The following SETD5 variants were observed in gnomAD, a reference collection of about 807,000 sequenced individuals.
The protein encoded by SETD5 is SET domain containing 5.
SETD5 carries 44 observed loss-of-function variants against 153.3 expected under a neutral mutation model. The ratio of observed to expected loss-of-function variants is 0.29; its 90% CI spans 0.23 to 0.37. The LOEUF (loss-of-function observed/expected upper bound fraction) is 0.37, where lower values mean the gene tolerates loss of function less well. SETD5 is among the 10% of genes least tolerant of loss of function. SETD5 has a pLI of 1.00. For synonymous variants in SETD5, 716 were observed against 645.2 expected, an observed-to-expected ratio of 1.11 and a Z score of -1.66; for missense variants, 1,544 against 1,768.0, an observed-to-expected ratio of 0.87 and a Z score of 2.27.
rs147843893 is a variant in SETD5, at chr3:9,418,839, T to C, written c.-176-5628T>C. ...AAATGTGAATCACATACATAAACAT[T>C]GGGAATTTGCAGATAACTTTCATTT... is the stretch of plus-strand genomic sequence containing the variant. On this transcript the variant is annotated intron_variant, in intron 1 of 22. Transcript: ENST00000402198. Among the ~76,000 whole-genome samples the C allele has an allele frequency of 3.3e-3, 501 of 151,784 alleles. 7 individuals are homozygous for C. The highest frequency in any genetic ancestry group is 0.012 in the African/African-American group (484 of 41,432).
chr3:9,403,387 A>ATAC (rs1043802795), intron 1 of SETD5, among the ~76,000 whole-genome samples: 44 of 152,312 alleles, frequency 2.9e-4, no homozygotes, highest in African/African-American at 9.6e-4. Context: ...ATGGAAAAGA[A>ATAC]TACTCTATCT....
chr3:9,404,014 A>G (rs1379917714), intron 1 of SETD5, among the ~76,000 whole-genome samples: 1 of 152,238 alleles, frequency 6.6e-6, no homozygotes, highest in African/African-American at 2.4e-5. Flanking sequence ...AATATATGAC[A>G]AGGTTTTTCA....
intron 3 of SETD5, chr3:9,432,345 A>C: frequency 1.0e-6 from 1 of 968,518 alleles, no homozygotes; most frequent in Non-Finnish European, 1.2e-6. Context: ...TACATATCTC[A>C]GAATTTTCTT....
chr3:9,460,027 C>G (rs533962344), intron 17 of SETD5, among the ~76,000 whole-genome samples: 113 of 151,694 alleles, frequency 7.4e-4, no homozygotes, highest in African/African-American at 2.6e-3. Flanking sequence ...TAATTGTTAG[C>G]CAAAGTAATT....
chr3:9,475,783 C>T lies in SETD5; in HGVS notation c.4021C>T (p.Pro1341Ser). The T allele has an allele frequency of 1.2e-6, 2 of 1,614,002 alleles. No homozygotes were observed. Among genetic ancestry groups the T allele is most frequent in the Non-Finnish European group, 1.7e-6 (2 of 1,179,900 alleles). The change falls in exon 23 of 23, where the codon CCT (proline) becomes TCT (serine). Residue 1341 changes from proline to serine, a missense_variant. Transcript: ENST00000402198. ...CAGCAATCTTCCAAGGAGGAGCTGC[C>T]CTTCTAGTGCTGCTAGCCCTACCCT... ...TGSNLPRRSC[P>S]SSAASPTLQG... is the part of the protein sequence containing the mutation.
chr3:9,475,406 T>C, intron 22 of SETD5, 77 bp from the exon 23 acceptor site: 2 of 1,521,886 alleles, frequency 1.3e-6, no homozygotes, highest in Non-Finnish European at 1.8e-6. Flanking sequence ...AAAAAGAATG[T>C]AGGGTATTAT....
chr3:9,405,849 G>A (rs2035567681), intron 1 of SETD5, among the ~76,000 whole-genome samples: 1 of 152,138 alleles, frequency 6.6e-6, no homozygotes, highest in Non-Finnish European at 1.5e-5. Flanking sequence ...TCTGTGTCCT[G>A]TTATGTTCTT....
In SETD5 at chr3:9,474,429, G is replaced by T. The variant is rs758386734; in HGVS notation, c.3498-20G>T. Reference sequence around the variant, plus strand: ...TGGTTAAGTCCTGTGGCTTGAACTTGCACCCTGTTGCCTTTACAGGATGGT... The same window carrying T: ...TGGTTAAGTCCTGTGGCTTGAACTTTCACCCTGTTGCCTTTACAGGATGGT... On this transcript the variant is annotated intron_variant, in intron 20 of 22. Transcript: ENST00000402198. 10 of 1,611,736 alleles carry T rather than the reference G, an allele frequency of 6.2e-6. No homozygotes were observed. In the East Asian group the frequency reaches 2.0e-4, roughly 32 times the overall value.
chr3:9,430,415 A>G lies in SETD5; in HGVS notation c.71+1406A>G. The stretch of plus-strand genomic sequence containing the variant: ...GGGAAGGGTTGATTTTGTTTCTTCT[A>G]GAGCTTTTTTCTTCTTTTGTTTTTG... On this transcript the variant is annotated intron_variant, in intron 3 of 22. Transcript: ENST00000402198. 5 of 881,484 alleles carry G rather than the reference A, an allele frequency of 5.7e-6. No individual in the cohort carries two copies. The South Asian group carries it at 2.1e-4, about 37-fold the overall frequency. 54.6% of individuals were successfully genotyped at this position (881,484 alleles called of 1,614,324 possible). A position where few individuals can be genotyped will look rare whatever the true frequency, so the allele number is the denominator to read the frequency against.
At chr3:9,443,100 C>A (rs976796480) in intron 10 of SETD5, 54 of 443,910 alleles carry the variant, frequency 1.2e-4, no homozygotes. Flanking sequence ...GGTTTCTCCA[C>A]ATATTTAAGA....
At chr3:9,407,498 G>A (rs2035890608) in intron 1 of SETD5, among the ~76,000 whole-genome samples, 1 of 152,080 alleles carries the variant, frequency 6.6e-6, no homozygotes, top group African/African-American at 2.4e-5. Context: ...GGAATGGCTG[G>A]AAGTTTGCAG....
At chr3:9,403,337 C>A (rs1414155302) in intron 1 of SETD5, among the ~76,000 whole-genome samples, 5 of 152,120 alleles carry the variant, frequency 3.3e-5, no homozygotes, top group Non-Finnish European at 7.4e-5. Flanking sequence ...CAAGTCACCT[C>A]CCGAGGAGAC....
At chr3:9,400,726 T>A (rs1466554603) in intron 1 of SETD5, among the ~76,000 whole-genome samples, 1 of 152,236 alleles carries the variant, frequency 6.6e-6, no homozygotes, top group Non-Finnish European at 1.5e-5. Flanking sequence ...TTGGCCATAA[T>A]CCATCTGAAA....
chr3:9,420,260 T>G (rs554770800), intron 1 of SETD5, among the ~76,000 whole-genome samples: 1 of 152,270 alleles, frequency 6.6e-6, no homozygotes, highest in East Asian at 1.9e-4. Flanking sequence ...AATAATTCTG[T>G]TATTTATGAT....
chr3:9,465,630 T>A (rs59302296), intron 18 of SETD5, among the ~76,000 whole-genome samples: 11,272 of 152,284 alleles, frequency 0.074, 553 homozygotes, highest in Middle Eastern at 0.13. Flanking sequence ...TACTTAGCTT[T>A]TATGAGTAAC....
Position 9,418,194 on chromosome 3 carries a change from C to T in SETD5, c.-176-6273C>T, listed in dbSNP as rs113263214. ...CGATCTCCTGACCTTGTGATCCTCC[C>T]GCCTCGGCTTCCCAAAGTGCTAGAA... On this transcript the variant is annotated intron_variant, in intron 1 of 22. Coordinates refer to ENST00000402198, the MANE Select transcript of SETD5 (RefSeq NM_001080517.3). 7.9e-3 allele frequency among the ~76,000 whole-genome samples: 1,209 copies of T among 152,116 alleles called. 26 individuals carry two copies. The highest frequency in any genetic ancestry group is 0.027 in the African/African-American group (1,132 of 41,450).
At chr3:9,452,659 A>ATTTTTTTTTTTTTTTT (rs1164278885) in intron 16 of SETD5, among the ~76,000 whole-genome samples, 1 of 59,812 alleles carries the variant, frequency 1.7e-5, no homozygotes, top group Admixed American at 1.8e-4. Flanking sequence ...ATGATGTAAG[A>ATTTTTTTTTTTTTTTT]TTTTTTTTTT....
chr3:9,472,314 A>C (rs2045394387), intron 19 of SETD5, among the ~76,000 whole-genome samples: 1 of 152,158 alleles, frequency 6.6e-6, no homozygotes, highest in Non-Finnish European at 1.5e-5. Context: ...CTTATAGTTT[A>C]GTCAGGGAGC....
chr3:9,449,624 A>G (rs569664638), intron 16 of SETD5: 1 of 152,284 alleles, frequency 6.6e-6, no homozygotes, highest in African/African-American at 2.4e-5. Flanking sequence ...CAAACTTAAA[A>G]GCTTTTCTCT....
Sources: gnomAD v4.1 joint callset for allele counts (sites outside exome capture counted in the v4.1 genomes callset) on GRCh38, gnomAD v4.1.1 for gene constraint, MANE v1.5 for transcripts, NCBI Gene and HGNC (gene_info 2026-07-23, HGNC 2026-07-21) for gene names.